Variants in ATP8A2 observed in about 807,000 individuals in gnomAD.
ATP8A2 encodes the protein phospholipid-transporting ATPase IB.
A neutral mutation model predicts 165.6 loss-of-function variants in ATP8A2; 100 were observed. The observed-to-expected ratio is 0.60, with a 90% CI of 0.51 to 0.71. The LOEUF is 0.71. ATP8A2 is among the 30% of genes least tolerant of loss of function. ATP8A2 has a pLI of 0.00. For synonymous variants in ATP8A2, 543 were observed against 548.8 expected, an observed-to-expected ratio of 0.99 and a Z score of 0.15; for missense variants, 1,227 against 1,479.5, an observed-to-expected ratio of 0.83 and a Z score of 2.80.
chr13:25,498,185 A>AT (rs1463045052), intron 2 of ATP8A2, among the ~76,000 whole-genome samples: 2 of 152,188 alleles, frequency 1.3e-5, no homozygotes, highest in Non-Finnish European at 2.9e-5. Context: ...TGCTGGAGAG[A>AT]TAAACAGGTG....
chr13:25,551,438 G>T lies in ATP8A2; in HGVS notation c.992G>T (p.Ser331Ile). Residue 331 changes from serine to isoleucine, a missense_variant, in exon 11 of 37, where the codon AGC (serine) becomes ATC (isoleucine). Physicochemically the swap from Ser to Ile is moderately radical, Grantham distance 142. Transcript: ENST00000381655. Reference sequence around the variant, plus strand: ...ATCCTCTTGGTCATGGCCTTGGTGAGCTCGGCGGGGGCCCTGTACTGGAAC... The same window carrying T: ...ATCCTCTTGGTCATGGCCTTGGTGATCTCGGCGGGGGCCCTGTACTGGAAC... ...FGILLVMALV[S>I]SAGALYWNRS... 1 of 1,614,106 alleles carries T rather than the reference G, an allele frequency of 6.2e-7. No homozygotes were observed. Among genetic ancestry groups the T allele is most frequent in the Non-Finnish European group, 8.5e-7 (1 of 1,179,972 alleles).
chr13:25,416,965 A>T (rs182057442), intron 1 of ATP8A2, among the ~76,000 whole-genome samples: 10 of 151,802 alleles, frequency 6.6e-5, no homozygotes, highest in Non-Finnish European at 5.9e-5. Context: ...TTCATGAGTG[A>T]TGTACAGTCT....
At chr13:25,850,679 C>G (rs928564430) in intron 30 of ATP8A2, among the ~76,000 whole-genome samples, 2 of 152,156 alleles carry the variant, frequency 1.3e-5, no homozygotes, top group African/African-American at 4.8e-5. Flanking sequence ...AGGAAAGACT[C>G]TCAGAGTGGT....
chr13:25,778,435 A>G (rs1391315305), intron 27 of ATP8A2, among the ~76,000 whole-genome samples: 1 of 152,234 alleles, frequency 6.6e-6, no homozygotes, highest in Non-Finnish European at 1.5e-5. Flanking sequence ...ACATGGTTTC[A>G]TGTTAGCCCT....
intron 2 of ATP8A2, among the ~76,000 whole-genome samples, chr13:25,519,683 G>A (rs988923623): frequency 2.6e-5 from 4 of 152,158 alleles, no homozygotes; most frequent in African/African-American, 9.7e-5. Flanking sequence ...AAGGTCTTGG[G>A]TTTCCATGCA....
intron 2 of ATP8A2, among the ~76,000 whole-genome samples, chr13:25,505,939 T>C (rs1178353736): frequency 6.6e-6 from 1 of 152,198 alleles, no homozygotes; most frequent in Non-Finnish European, 1.5e-5. Flanking sequence ...AGGAAAATGA[T>C]GGCCTCCACT....
chr13:25,714,191 C>G (rs868531273), intron 25 of ATP8A2, among the ~76,000 whole-genome samples: 2 of 152,088 alleles, frequency 1.3e-5, no homozygotes, highest in Admixed American at 1.3e-4. Flanking sequence ...GGTGACCTCT[C>G]AGAATTAAAT....
intron 27 of ATP8A2, among the ~76,000 whole-genome samples, chr13:25,811,526 A>C (rs562399607): frequency 5.3e-5 from 8 of 152,224 alleles, no homozygotes; most frequent in African/African-American, 1.7e-4. Context: ...CTTCTCTTCT[A>C]TTCATAAACC....
intron 36 of ATP8A2, among the ~76,000 whole-genome samples, chr13:26,013,635 T>C (rs1244031245): frequency 2.6e-5 from 4 of 151,158 alleles, no homozygotes; most frequent in Non-Finnish European, 5.9e-5. Flanking sequence ...GGTCATGCCA[T>C]TGCACTCCAG....
chr13:25,391,269 A>C (rs1473363719), intron 1 of ATP8A2, among the ~76,000 whole-genome samples: 1 of 152,214 alleles, frequency 6.6e-6, no homozygotes, highest in East Asian at 1.9e-4. Context: ...CTCCTCCTTC[A>C]TACTTCAACC....
chr13:25,657,781 A>G (rs140954584), intron 24 of ATP8A2, among the ~76,000 whole-genome samples: 1 of 152,244 alleles, frequency 6.6e-6, no homozygotes, highest in Non-Finnish European at 1.5e-5. Flanking sequence ...TTGGTCATTC[A>G]GGAAATACCT....
chr13:25,736,002 C>T (rs116928579), intron 25 of ATP8A2, among the ~76,000 whole-genome samples: 2,694 of 152,234 alleles, frequency 0.018, 52 homozygotes, highest in Non-Finnish European at 0.025. Flanking sequence ...TTTTACCATA[C>T]GTTTTCTATG....
chr13:25,977,516 T>C (rs935532334), intron 35 of ATP8A2, among the ~76,000 whole-genome samples: 32 of 152,282 alleles, frequency 2.1e-4, no homozygotes, highest in African/African-American at 7.5e-4. Flanking sequence ...AGGAGGAAAA[T>C]AAACTCTTCA....
chr13:25,687,641 A>T (rs531718170), intron 24 of ATP8A2, among the ~76,000 whole-genome samples: 71 of 151,600 alleles, frequency 4.7e-4, no homozygotes, highest in African/African-American at 1.7e-3. Flanking sequence ...CCAGTTCCTT[A>T]CTTGTTGCTT....
chr13:25,927,177 A>G (rs573213532), intron 33 of ATP8A2: 1 of 456,680 alleles, frequency 2.2e-6, no homozygotes, highest in East Asian at 6.9e-5. Flanking sequence ...TCCGTGCTGC[A>G]CGGCGGGTCC....
At chr13:25,794,859 A>ACACACACACACACACC (rs1378534914) in intron 27 of ATP8A2, among the ~76,000 whole-genome samples, 5 of 143,604 alleles carry the variant, frequency 3.5e-5, no homozygotes, top group African/African-American at 5.1e-5. Flanking sequence ...ACACACACAC[A>ACACACACACACACACC]CCTTCTCTCT....
chr13:25,932,691 G>A (rs915723841), intron 33 of ATP8A2, among the ~76,000 whole-genome samples: 1 of 152,324 alleles, frequency 6.6e-6, no homozygotes. Flanking sequence ...ATGCTTATGG[G>A]ATTTGTCCTG....
At chr13:25,916,849 C>T (rs369031637) in intron 33 of ATP8A2, among the ~76,000 whole-genome samples, 1 of 151,972 alleles carries the variant, frequency 6.6e-6, no homozygotes, top group East Asian at 1.9e-4. Context: ...TTCTTTCTGC[C>T]TCCTCTTATC....
intron 24 of ATP8A2, among the ~76,000 whole-genome samples, chr13:25,682,071 C>T (rs2042499876): frequency 6.6e-6 from 1 of 152,102 alleles, no homozygotes; most frequent in Non-Finnish European, 1.5e-5. Context: ...CATTTCTGTG[C>T]ATAACTATAG....
Sources: allele counts gnomAD v4.1 joint callset (sites outside exome capture counted in the v4.1 genomes callset), GRCh38; gene constraint gnomAD v4.1.1; transcripts MANE v1.5; gene names NCBI Gene and HGNC (gene_info 2026-07-23, HGNC 2026-07-21).